Variants in MAP4 observed in about 807,000 individuals in gnomAD.
The protein encoded by MAP4 is microtubule-associated protein 4.
MAP4 carries 76 observed loss-of-function variants against 170.2 expected under a neutral mutation model. The ratio of observed to expected loss-of-function variants is 0.45; its 90% CI spans 0.37 to 0.54. The LOEUF (loss-of-function observed/expected upper bound fraction) is 0.54, where lower values mean the gene tolerates loss of function less well. MAP4 is among the 20% of genes least tolerant of loss of function. The pLI is 0.00. For synonymous variants in MAP4, 909 were observed against 994.5 expected (o/e 0.91, Z 1.62); for missense variants, 2,506 against 2,748.0 (o/e 0.91, Z 1.97).
At chr3:48,046,877 G>A (rs528189728) in intron 1 of MAP4, among the ~76,000 whole-genome samples, 45 of 152,136 alleles carry the variant, frequency 3.0e-4, no homozygotes, top group African/African-American at 1.1e-3. Context: ...GGTGGATCAC[G>A]AGGTCAGGAG....
intron 1 of MAP4, among the ~76,000 whole-genome samples, chr3:48,086,495 C>G (rs1271717641): frequency 6.6e-6 from 1 of 151,974 alleles, no homozygotes. Context: ...AAAAATCAGC[C>G]GAGTGTGGTG....
chr3:47,891,749 G>C, intron 10 of MAP4: 1 of 1,536,636 alleles, frequency 6.5e-7, no homozygotes, highest in Non-Finnish European at 8.7e-7. Flanking sequence ...AATGGTGGTG[G>C]GTGAATGCTC....
chr3:47,854,243 G>T (rs538744698), intron 19 of MAP4, among the ~76,000 whole-genome samples: 14 of 152,242 alleles, frequency 9.2e-5, no homozygotes, highest in South Asian at 2.1e-4. Context: ...TTGGAAAAGA[G>T]ACTAAAGCCA....
At chr3:47,880,757 C>A (rs2096582753) in intron 10 of MAP4, among the ~76,000 whole-genome samples, 1 of 152,158 alleles carries the variant, frequency 6.6e-6, no homozygotes. Flanking sequence ...ACCACCATGC[C>A]CCATCATAAT....
intron 3 of MAP4, among the ~76,000 whole-genome samples, chr3:47,934,238 G>T (rs1387084372): frequency 6.6e-6 from 1 of 152,106 alleles, no homozygotes; most frequent in Admixed American, 6.6e-5. Context: ...AGTGATTAGG[G>T]TTTTGAACCC....
At chr3:47,889,035 A>G (rs138245948) in intron 10 of MAP4, among the ~76,000 whole-genome samples, 52 of 152,352 alleles carry the variant, frequency 3.4e-4, no homozygotes, top group African/African-American at 1.2e-3. Context: ...TGGTGGTAAC[A>G]AAGCTGGCCA....
intron 1 of MAP4, among the ~76,000 whole-genome samples, chr3:48,059,717 G>A (rs956546427): frequency 6.6e-6 from 1 of 151,370 alleles, no homozygotes; most frequent in Non-Finnish European, 1.5e-5. Flanking sequence ...GGTGGCTCAC[G>A]CCTGTAATCC....
chr3:48,045,789 C>T (rs891574954), intron 1 of MAP4, among the ~76,000 whole-genome samples: 10 of 152,220 alleles, frequency 6.6e-5, no homozygotes, highest in African/African-American at 2.2e-4. Context: ...GATCCGCCTG[C>T]CTCGGCCTCC....
At position 47,858,271 on chromosome 3, in the gene MAP4, C is replaced by T. The variant is rs1178322403; in HGVS notation, c.6502-759G>A. On this transcript the variant is annotated intron_variant, in intron 17 of 20. Coordinates refer to ENST00000683076, the MANE Select transcript of MAP4 (RefSeq NM_001385682.1). ...CAGGTGATCCGCCTGCCTCAGGATCCCAAAGTGCTGGAATTACAGGTGTGA... is the reference window on the plus strand; with the variant it reads ...CAGGTGATCCGCCTGCCTCAGGATCTCAAAGTGCTGGAATTACAGGTGTGA... 2.6e-5 allele frequency among the ~76,000 whole-genome samples: 4 copies of T among 152,034 alleles called. No individual in the cohort carries two copies. In the East Asian group the frequency reaches 7.7e-4, roughly 29 times the overall value.
chr3:47,969,429 A>AT (rs2100077202), intron 3 of MAP4, among the ~76,000 whole-genome samples: 1 of 151,102 alleles, frequency 6.6e-6, no homozygotes, highest in African/African-American at 2.4e-5. Context: ...GAGAGAAAAA[A>AT]AAAAAAGGAT....
At chr3:48,038,812 T>A (rs1405459549) in intron 1 of MAP4, among the ~76,000 whole-genome samples, 1 of 152,020 alleles carries the variant, frequency 6.6e-6, no homozygotes, top group Non-Finnish European at 1.5e-5. Context: ...TTTTAAGAGT[T>A]GGCTGTAGGC....
chr3:48,066,479 C>CAT (rs1318024499), intron 1 of MAP4, among the ~76,000 whole-genome samples: 1 of 152,000 alleles, frequency 6.6e-6, no homozygotes, highest in Non-Finnish European at 1.5e-5. Context: ...TCAGCCATCA[C>CAT]ATATATATAT....
intron 1 of MAP4, among the ~76,000 whole-genome samples, chr3:48,051,783 C>T (rs2100128034): frequency 6.6e-6 from 1 of 152,194 alleles, no homozygotes; most frequent in South Asian, 2.1e-4. Context: ...TAAACTGAGT[C>T]CCTTAGGTCC....
chr3:47,916,110 C>G lies in MAP4; in HGVS notation c.1717G>C (p.Ala573Pro), dbSNP rs2153599050. ...TCTGAGAGTGGTGGAACATCTTTGG[C>G]TGGAGTCACATTGTTGGCCAGGGTC... is the stretch of plus-strand genomic sequence containing the variant. ...VLTLANNVTPAKDVPPLSETE... is the reference protein window; with the variant it reads ...VLTLANNVTPPKDVPPLSETE... The change falls in exon 7 of 21, where the codon GCC (alanine) becomes CCC (proline). Residue 573 changes from alanine (A) to proline (P), a missense_variant. Around this residue, in one of 3 missense-constraint regions of MAP4, gnomAD observed 2,008 missense variants for 2,206.0 expected, o/e 0.91. Coordinates refer to ENST00000683076, the MANE Select transcript of MAP4 (RefSeq NM_001385682.1). 1.2e-6 allele frequency: 2 copies of G among 1,614,188 alleles called. No individual in the cohort carries two copies. Among genetic ancestry groups the G allele is most frequent in the Non-Finnish European group, 8.5e-7 (1 of 1,180,044 alleles).
At chr3:47,888,973 TAGACAA>T (rs1197469596) in intron 10 of MAP4, among the ~76,000 whole-genome samples, 2 of 152,188 alleles carry the variant, frequency 1.3e-5, no homozygotes, top group Non-Finnish European at 2.9e-5. Flanking sequence ...ATTGTCAGTA[TAGACAA>T]AGACATGGAA....
chr3:47,978,025 CTT>C (rs1403275076), intron 2 of MAP4, 92 bp from the exon 3 acceptor site: 13 of 828,920 alleles, frequency 1.6e-5, no homozygotes, highest in Admixed American at 1.3e-4. Flanking sequence ...TTTTCTCACT[CTT>C]TGTAGCATTA....
intron 12 of MAP4, among the ~76,000 whole-genome samples, chr3:47,873,534 T>C (rs1465101846): frequency 6.6e-6 from 1 of 152,162 alleles, no homozygotes; most frequent in African/African-American, 2.4e-5. Flanking sequence ...AGGGCTGGCA[T>C]CCAAAGTCTA....
chr3:47,957,447 A>C (rs544886917), intron 3 of MAP4, among the ~76,000 whole-genome samples: 13 of 152,286 alleles, frequency 8.5e-5, no homozygotes, highest in African/African-American at 3.1e-4. Context: ...CTGGGATTAC[A>C]GGTGTGAGCC....
intron 1 of MAP4, among the ~76,000 whole-genome samples, chr3:48,050,713 C>T (rs1419756696): frequency 6.6e-6 from 1 of 151,718 alleles, no homozygotes; most frequent in Non-Finnish European, 1.5e-5. Context: ...CGAGACCATC[C>T]TGGCCAACAT....
Sources: gnomAD v4.1 joint callset for allele counts (sites outside exome capture counted in the v4.1 genomes callset) on GRCh38, gnomAD v4.1.1 for gene constraint, gnomAD v4.1.1 regional missense constraint, MANE v1.5 for transcripts, NCBI Gene and HGNC (gene_info 2026-07-23, HGNC 2026-07-21) for gene names.